The following SLC39A13 variants were observed in gnomAD, a reference collection of about 807,000 sequenced individuals.
The protein encoded by SLC39A13 is solute carrier family 39 member 13.
Under a neutral mutation model 38.7 loss-of-function variants are expected in SLC39A13, and 18 were observed. The observed-to-expected ratio is 0.47, with a 90% confidence interval of 0.32 to 0.69. The LOEUF (loss-of-function observed/expected upper bound fraction) is 0.69, where lower values mean the gene tolerates loss of function less well. Among genes scored for constraint, SLC39A13 ranks in the 30% least tolerant of loss-of-function variants. The pLI is 0.03. For synonymous variants in SLC39A13, 212 were observed against 219.1 expected (o/e 0.97, Z 0.29); for missense variants, 395 against 490.7 (o/e 0.80, Z 1.84).
At chr11:47,410,494 A>G (rs1362179590) in intron 2 of SLC39A13, 99 bp downstream of exon 2, 25 of 1,446,800 alleles carry the variant, frequency 1.7e-5, no homozygotes, top group Non-Finnish European at 2.3e-5. Context: ...TCTGAGATGG[A>G]GGGAGAGGAT....
At chr11:47,412,758 CTTTTTTTTTTTTT>C (rs1187342398) in intron 4 of SLC39A13, among the ~76,000 whole-genome samples, 1 of 115,112 alleles carries the variant, frequency 8.7e-6, no homozygotes, top group East Asian at 2.5e-4. Context: ...GGGTTCCTAT[CTTTTTTTTTTTTT>C]TTTTTTTTGA....
intron 6 of SLC39A13, 183 bp downstream of exon 6, chr11:47,413,869 T>C: frequency 2.6e-6 from 2 of 759,798 alleles, no homozygotes; most frequent in Non-Finnish European, 4.6e-6. Context: ...GCCCCTGGTC[T>C]GTTCCTGTTC....
chr11:47,412,785 G>A lies in SLC39A13; in HGVS notation c.537+318G>A, dbSNP rs1197466164. 6.0e-5 allele frequency among the ~76,000 whole-genome samples: 8 copies of A among 132,300 alleles called. No individual in the cohort carries two copies. The South Asian group carries it at 1.7e-3, about 28-fold the overall frequency. 86.8% of individuals were successfully genotyped at this position (132,300 alleles called of 152,430 possible). On this transcript the variant is annotated intron_variant, in intron 4 of 9. Coordinates refer to ENST00000362021, the MANE Select transcript of SLC39A13 (RefSeq NM_001128225.3). ...TTTTTTTTTTTTTTTTTTTTGAGACGGAGTCTCGCTCTGTCACCCAGGCTG... is the reference window on the plus strand; with the variant it reads ...TTTTTTTTTTTTTTTTTTTTGAGACAGAGTCTCGCTCTGTCACCCAGGCTG...
chr11:47,407,487 G>C (rs1014814972), upstream of SLC39A13: 1 of 152,276 alleles, frequency 6.6e-6, no homozygotes, highest in Non-Finnish European at 1.5e-5. Flanking sequence ...AGGCTGATGA[G>C]GGTCAGAGAC....
Position 47,415,348 on chromosome 11 carries a change from G to C in SLC39A13, c.1101G>C (p.Ser367=). The part of the protein sequence containing the change: ...CAGIVVMVLF[S]LFVD ...GCATCGTGGTAATGGTGCTGTTCTC[G>C]CTCTTCGTGGATTAACTTTCCCTGA... is the stretch of plus-strand genomic sequence containing the variant. The change falls in exon 10 of 10, where the codon TCG becomes TCC. Residue 367 remains serine (S), a synonymous_variant. Coordinates refer to ENST00000362021, the MANE Select transcript of SLC39A13 (RefSeq NM_001128225.3). The C allele has an allele frequency of 6.2e-7, 1 of 1,614,030 alleles. No homozygotes were observed. Among genetic ancestry groups the C allele is most frequent in the East Asian group, 2.2e-5 (1 of 44,880 alleles).
chr11:47,412,287 C>G, intron 3 of SLC39A13, 59 bp from the exon 4 acceptor site: 1 of 1,570,824 alleles, frequency 6.4e-7, no homozygotes, highest in South Asian at 1.2e-5. Context: ...CAAATGGCCC[C>G]CTCCTATGGC....
upstream of SLC39A13, chr11:47,408,532 C>T (rs1595874832): frequency 6.8e-6 from 1 of 147,344 alleles, no homozygotes; most frequent in African/African-American, 2.5e-5. Flanking sequence ...TGTGACGTGG[C>T]CGCGCGCCGG....
rs774704127 is a variant in SLC39A13, at chr11:47,413,429, C to T, written c.567C>T (p.Ala189=). ...CCAACAAAGACCCCACTGCTGCTGC[C>T]GCCGCGCTCAATGGAGGCCACTGTC... The part of the protein sequence containing the change: ...QAPNKDPTAA[A]AALNGGHCLA... Residue 189 remains alanine, a synonymous_variant, in exon 5 of 10, where the codon GCC becomes GCT. Transcript: ENST00000362021. The T allele has an allele frequency of 9.9e-6, 16 of 1,613,982 alleles. No homozygotes were observed. The highest frequency in any genetic ancestry group is 1.2e-5 in the Non-Finnish European group (14 of 1,179,954).
Position 47,413,586 on chromosome 11 carries a change from C to G in SLC39A13, c.646-11C>G, listed in dbSNP as rs762597270. 6.2e-7 allele frequency: 1 copy of G among 1,614,232 alleles called. No individual in the cohort carries two copies. Among genetic ancestry groups the G allele is most frequent in the Admixed American group, 1.7e-5 (1 of 60,032 alleles). On this transcript the variant is annotated splice_polypyrimidine_tract_variant and intron_variant, in intron 5 of 9. Coordinates refer to ENST00000362021, the MANE Select transcript of SLC39A13 (RefSeq NM_001128225.3). ...CACTCAGCCCTGCCTCCTGCCTTCC[C>G]TCCTTCCCAGGTCAGCGGCTACCTC...
chr11:47,412,169 GAGGGTCATTGT>G, intron 3 of SLC39A13, 130 bp downstream of exon 3: 1 of 1,259,184 alleles, frequency 7.9e-7, no homozygotes, highest in Non-Finnish European at 1.1e-6. Flanking sequence ...GGGAGGGAGG[GAGGGTCATTGT>G]CCTGGTCTCT....
In SLC39A13 at chr11:47,413,512, G is replaced by C. The variant is rs1391245691; in HGVS notation, c.645+5G>C. ...GCCGTGGTCCGGAGCATCAAAGTGA[G>C]TGGCCTGCTCAGGGCCCCTGCAGCC... On this transcript the variant is annotated splice_donor_5th_base_variant and intron_variant, in intron 5 of 9. Transcript: ENST00000362021. 1 of 1,613,958 alleles carries C rather than the reference G, an allele frequency of 6.2e-7. No homozygotes were observed. Among genetic ancestry groups the C allele is most frequent in the African/African-American group, 1.3e-5 (1 of 74,948 alleles).
chr11:47,411,908 C>T lies in SLC39A13; in HGVS notation c.302-18C>T, dbSNP rs374232217. On this transcript the variant is annotated intron_variant, in intron 2 of 9. Transcript: ENST00000362021. ...CTCCAGCCAGTCAGCCCCCAGACCC[C>T]GCATCTCTCCCTTGTAGCTGGGGCC... The T allele has an allele frequency of 6.8e-6, 11 of 1,608,410 alleles. No individual in the cohort carries two copies. Among genetic ancestry groups the T allele is most frequent in the Admixed American group, 6.7e-5 (4 of 59,438 alleles).
At position 47,415,546 on chromosome 11, in the gene SLC39A13, G is replaced by T; in HGVS notation, c.*183G>T. The T allele has an allele frequency of 1.4e-6, 1 of 711,624 alleles. No homozygotes were observed. The allele number at this position is 711,624 out of a possible 1,614,324, so 44.1% of individuals were successfully genotyped here. A position where few individuals can be genotyped will look rare whatever the true frequency, so the allele number is the denominator to read the frequency against. ...CACATGTGGCCAGAGGTGTGTGCGC[G>T]AGACCGACACTGTGATCCCTGTGCT... On this transcript the variant is annotated 3_prime_UTR_variant, in exon 10 of 10. Transcript: ENST00000362021.
At chr11:47,413,295 T>C in intron 4 of SLC39A13, 105 bp from the exon 5 acceptor site, 2 of 1,196,524 alleles carry the variant, frequency 1.7e-6, no homozygotes, top group African/African-American at 1.5e-5. Flanking sequence ...CATGAGCCAC[T>C]GCACCCAGCC....
chr11:47,414,456 T>C lies in SLC39A13; in HGVS notation c.767T>C (p.Leu256Pro), dbSNP rs924156969. The change falls in exon 7 of 10, where the codon CTG becomes CCG. Residue 256 changes from leucine to proline, a missense_variant. Transcript: ENST00000362021. ...IGLLTTMAIL[L>P]HEIPHEVGDF... is the part of the protein sequence containing the mutation. ...CTCCTGACAACCATGGCCATCCTCC[T>C]GCATGAGATCCCCCATGAGGTGAGC... 1.9e-6 allele frequency: 3 copies of C among 1,612,204 alleles called. No homozygotes were observed. Among genetic ancestry groups the C allele is most frequent in the Admixed American group, 1.7e-5 (1 of 59,742 alleles).
rs779878471 is a variant in SLC39A13, at chr11:47,411,879, G to A, written c.302-47G>A. ...GTGGGGTGGGATGAAGGTCAGGCCA[G>A]GAGCTCCAGCCAGTCAGCCCCCAGA... On this transcript the variant is annotated intron_variant, in intron 2 of 9. Transcript: ENST00000362021. 201 of 1,572,030 alleles carry A rather than the reference G, an allele frequency of 1.3e-4. 1 individual carries two copies. The highest frequency in any genetic ancestry group is 3.4e-5 in the South Asian group (3 of 87,194).
chr11:47,412,058 C>G lies in SLC39A13; in HGVS notation c.415+19C>G. ...AGCCCTGGTAAGTGAGGCCACACGC[C>G]AGGGGCAAGACAGTGCCAGGAGTGG... On this transcript the variant is annotated intron_variant, in intron 3 of 9. Transcript: ENST00000362021. The G allele has an allele frequency of 1.9e-6, 3 of 1,596,406 alleles. No homozygotes were observed. Among genetic ancestry groups the G allele is most frequent in the Non-Finnish European group, 2.6e-6 (3 of 1,171,722 alleles).
chr11:47,410,262 G>T lies in SLC39A13; in HGVS notation c.168G>T (p.Trp56Cys). The T allele has an allele frequency of 6.2e-7, 1 of 1,614,124 alleles. No individual in the cohort carries two copies. Among genetic ancestry groups the T allele is most frequent in the Non-Finnish European group, 8.5e-7 (1 of 1,180,004 alleles). ...TGGACAACAAGGAAAGCGAGTCCTG[G>T]GGGGCTCTGCTGAGCGGAGAGCGGC... is the stretch of plus-strand genomic sequence containing the variant. Reference protein sequence around the residue: ...CRLDNKESESWGALLSGERLD... With the variant: ...CRLDNKESESCGALLSGERLD... The change falls in exon 2 of 10, where the codon TGG (tryptophan) becomes TGT (cysteine). Residue 56 changes from tryptophan to cysteine, a missense_variant. Transcript: ENST00000362021.
chr11:47,410,407 TC>T lies in SLC39A13; in HGVS notation c.301+14del, dbSNP rs2095992623. On this transcript the variant is annotated intron_variant, in intron 2 of 9. Coordinates refer to ENST00000362021, the MANE Select transcript of SLC39A13 (RefSeq NM_001128225.3). ...GCTGCGCTCAGAAGGTAGGTGACTC[TC>T]CGGTGGCGCCCAGGGCTGGCCAGGG... The T allele has an allele frequency of 6.2e-7, 1 of 1,613,546 alleles. No individual in the cohort carries two copies. The highest frequency in any genetic ancestry group is 1.3e-5 in the African/African-American group (1 of 74,890).
Sources: allele counts gnomAD v4.1 joint callset (sites outside exome capture counted in the v4.1 genomes callset), GRCh38; gene constraint gnomAD v4.1.1; transcripts MANE v1.5; gene names NCBI Gene and HGNC (gene_info 2026-07-23, HGNC 2026-07-21).